The following TNFRSF11A variants were observed in gnomAD, a reference collection of about 807,000 sequenced individuals.
TNFRSF11A encodes TNF receptor superfamily member 11a, also known as tumor necrosis factor receptor superfamily member 11A.
TNFRSF11A carries 32 observed loss-of-function variants against 55.7 expected under a neutral mutation model. The observed-to-expected ratio is 0.57, with a 90% CI of 0.43 to 0.77. The LOEUF (loss-of-function observed/expected upper bound fraction) is 0.77. TNFRSF11A is among the 30% of genes least tolerant of loss of function. TNFRSF11A has a pLI of 0.00. For synonymous variants in TNFRSF11A, 311 were observed against 331.0 expected (o/e 0.94, Z 0.65); for missense variants, 753 against 809.8 (o/e 0.93, Z 0.85).
rs1415452822 is a variant in TNFRSF11A at position 62,325,627 on chromosome 18, T to G, written c.75+200T>G. Among the ~76,000 whole-genome samples, 3 of 152,016 alleles carry G rather than the reference T, an allele frequency of 2.0e-5. No homozygotes were observed. Among genetic ancestry groups the G allele is most frequent in the Admixed American group, 1.3e-4 (2 of 15,296 alleles). ...CGGGAAAGGGCAAGCGGAGGGAAACTGGGGCGCAGAAGGAGCAGGTTGGCG... is the reference window on the plus strand; with the variant it reads ...CGGGAAAGGGCAAGCGGAGGGAAACGGGGGCGCAGAAGGAGCAGGTTGGCG... On this transcript the variant is annotated intron_variant, in intron 1 of 9. Coordinates refer to ENST00000586569, the MANE Select transcript of TNFRSF11A (RefSeq NM_003839.4). The surrounding 1 kb of genome is among the most constrained non-coding windows in gnomAD (Gnocchi z 4.7).
In TNFRSF11A at chr18:62,384,904, C is replaced by T. The variant is rs747875327; in HGVS notation, c.1721C>T (p.Thr574Ile). Reference sequence around the variant, plus strand: ...ATGGGCCGCCCGGTGCAGGAGGAGACCCTGGCGCGCCGAGACTCCTTCGCG... The same window carrying T: ...ATGGGCCGCCCGGTGCAGGAGGAGATCCTGGCGCGCCGAGACTCCTTCGCG... ...EPMGRPVQEE[T>I]LARRDSFAGN... The change falls in exon 10 of 10, where the codon ACC (threonine) becomes ATC (isoleucine). Residue 574 changes from threonine to isoleucine, a missense_variant. This residue lies in a region of TNFRSF11A where 567 missense variants were observed against 596.7 expected (regional missense o/e 0.95). Coordinates refer to ENST00000586569, the MANE Select transcript of TNFRSF11A (RefSeq NM_003839.4). 2.5e-5 allele frequency: 39 copies of T among 1,571,802 alleles called. No homozygotes were observed. Among genetic ancestry groups the T allele is most frequent in the Non-Finnish European group, 3.3e-5 (38 of 1,159,540 alleles).
chr18:62,336,887 G>A (rs1488282396), intron 1 of TNFRSF11A: 1 of 152,234 alleles, frequency 6.6e-6, no homozygotes, highest in Non-Finnish European at 1.5e-5. Context: ...TCAAGGAGCA[G>A]AGATAATAAA....
chr18:62,368,533 C>T (rs548117602), intron 8 of TNFRSF11A, among the ~76,000 whole-genome samples, 168 bp from the exon 9 acceptor site: 2 of 152,336 alleles, frequency 1.3e-5, no homozygotes, highest in East Asian at 3.9e-4. Context: ...CTAGAGTTCT[C>T]CTGCACTCGG....
In TNFRSF11A at chr18:62,385,008, C is replaced by G. The variant is rs1460554186; in HGVS notation, c.1825C>G (p.Gln609Glu). 6.7e-7 allele frequency: 1 copy of G among 1,482,726 alleles called. No homozygotes were observed. The highest frequency in any genetic ancestry group is 8.9e-7 in the Non-Finnish European group (1 of 1,126,060). 91.8% of individuals were successfully genotyped at this position (1,482,726 alleles called of 1,614,324 possible). Residue 609 changes from glutamine to glutamate, a missense_variant, in exon 10 of 10, where the codon CAG (glutamine) becomes GAG (glutamate). Gln to Glu is a conservative substitution (Grantham distance 29). Around this residue, in one of 3 missense-constraint regions of TNFRSF11A, gnomAD observed 567 missense variants for 596.7 expected, o/e 0.95. Coordinates refer to ENST00000586569, the MANE Select transcript of TNFRSF11A (RefSeq NM_003839.4). ...GCCGGAGAAGGCCTCGAGGCCGGTG[C>G]AGGAGCAAGGCGGGGCCAAGGCTTG... ...REPEKASRPV[Q>E]EQGGAKA
chr18:62,340,658 AT>A (rs2046298751), intron 1 of TNFRSF11A, among the ~76,000 whole-genome samples: 1 of 152,136 alleles, frequency 6.6e-6, no homozygotes, highest in South Asian at 2.1e-4. Context: ...TGTAAAATAT[AT>A]TTCTTAGAAA....
At chr18:62,358,781 A>C (rs758118808) in intron 5 of TNFRSF11A, among the ~76,000 whole-genome samples, 1 of 152,090 alleles carries the variant, frequency 6.6e-6, no homozygotes, top group Admixed American at 6.6e-5. Flanking sequence ...TTCACATATT[A>C]TATCCTGAAG....
Position 62,385,222 on chromosome 18 carries a change from C to T in TNFRSF11A, c.*188C>T. On this transcript the variant is annotated 3_prime_UTR_variant, in exon 10 of 10. Transcript: ENST00000586569. ...GGAAGTGAATTGATGAGGACTGTCC[C>T]CATGCCCACGGATGCTCAGCAGCCC... The T allele has an allele frequency of 1.6e-6, 1 of 615,634 alleles. No individual in the cohort carries two copies. Among genetic ancestry groups the T allele is most frequent in the Non-Finnish European group, 2.5e-6 (1 of 402,880 alleles). 38.1% of individuals were successfully genotyped at this position (615,634 alleles called of 1,614,324 possible). A position where few individuals can be genotyped will look rare whatever the true frequency, so the allele number is the denominator to read the frequency against.
At chr18:62,377,684 A>G (rs1863595048) in intron 9 of TNFRSF11A, among the ~76,000 whole-genome samples, 1 of 151,936 alleles carries the variant, frequency 6.6e-6, no homozygotes, top group Non-Finnish European at 1.5e-5. Context: ...TGCCATCTGG[A>G]TATCTTTGGT....
At chr18:62,384,660 C>T (rs1911556597) in intron 9 of TNFRSF11A, 91 bp from the exon 10 acceptor site, 4 of 1,479,872 alleles carry the variant, frequency 2.7e-6, no homozygotes, top group Admixed American at 3.9e-5. Flanking sequence ...TCCGGGGAGC[C>T]GCCCTCCACT....
intron 9 of TNFRSF11A, among the ~76,000 whole-genome samples, chr18:62,377,495 C>G (rs1477038373): frequency 6.6e-6 from 1 of 152,222 alleles, no homozygotes; most frequent in Non-Finnish European, 1.5e-5. Flanking sequence ...TACCCTTTTG[C>G]ATTCCCACTA....
rs2145280243 is a variant in TNFRSF11A, at chr18:62,345,543, T to C, written c.76-2625T>C. Among the ~76,000 whole-genome samples, 2 of 152,288 alleles carry C rather than the reference T, an allele frequency of 1.3e-5. 1 individual carries two copies. Among genetic ancestry groups the C allele is most frequent in the African/African-American group, 4.8e-5 (2 of 41,544 alleles). ...CATAGCAATTTTCCCAGCAGCAAAA[T>C]TTCTGCTGCTGCTTAAAAGATCTGT... On this transcript the variant is annotated intron_variant, in intron 1 of 9. Coordinates refer to ENST00000586569, the MANE Select transcript of TNFRSF11A (RefSeq NM_003839.4).
At chr18:62,355,846 G>C (rs1278437791) in intron 4 of TNFRSF11A, among the ~76,000 whole-genome samples, 1 of 152,172 alleles carries the variant, frequency 6.6e-6, no homozygotes, top group Non-Finnish European at 1.5e-5. Context: ...TTGTTTTTAT[G>C]TATGTAAGTG....
At chr18:62,337,110 A>G (rs945631839) in intron 1 of TNFRSF11A, among the ~76,000 whole-genome samples, 18 of 152,014 alleles carry the variant, frequency 1.2e-4, no homozygotes, top group African/African-American at 4.4e-4. Flanking sequence ...AATGGTGAAT[A>G]TGTCAGGACT....
chr18:62,342,192 G>A (rs775863452), intron 1 of TNFRSF11A, among the ~76,000 whole-genome samples: 58 of 151,862 alleles, frequency 3.8e-4, no homozygotes, highest in Non-Finnish European at 7.8e-4. Context: ...CTTGAGCTCA[G>A]GGGTTCAAGA....
At chr18:62,351,465 A>G (rs1332942355) in intron 3 of TNFRSF11A, among the ~76,000 whole-genome samples, 2 of 152,238 alleles carry the variant, frequency 1.3e-5, no homozygotes, top group Non-Finnish European at 2.9e-5. Flanking sequence ...ATAGCTGAGC[A>G]TTCCTCTTTC....
intron 1 of TNFRSF11A, among the ~76,000 whole-genome samples, chr18:62,344,490 T>A (rs2046354854): frequency 6.6e-6 from 1 of 152,234 alleles, no homozygotes. Flanking sequence ...ATGCCCAAAT[T>A]TCCCCATTCC....
chr18:62,385,174 C>A lies in TNFRSF11A; in HGVS notation c.*140C>A. On this transcript the variant is annotated 3_prime_UTR_variant, in exon 10 of 10. Coordinates refer to ENST00000586569, the MANE Select transcript of TNFRSF11A (RefSeq NM_003839.4). Reference sequence around the variant, plus strand: ...CACCCGGCATTCTCTGCCCACTTTGCCTTCCAGGAAATGGGCTTTTCAGGA... The same window carrying A: ...CACCCGGCATTCTCTGCCCACTTTGACTTCCAGGAAATGGGCTTTTCAGGA... The A allele has an allele frequency of 9.7e-7, 1 of 1,035,948 alleles. No individual in the cohort carries two copies. Among genetic ancestry groups the A allele is most frequent in the Non-Finnish European group, 1.3e-6 (1 of 778,466 alleles). 64.2% of individuals were successfully genotyped at this position (1,035,948 alleles called of 1,614,324 possible).
chr18:62,380,022 C>T (rs936837481), intron 9 of TNFRSF11A, among the ~76,000 whole-genome samples: 8 of 152,310 alleles, frequency 5.3e-5, no homozygotes, highest in Middle Eastern at 3.4e-3. Context: ...GAGTTGCCCG[C>T]GCCTTCAGGA....
chr18:62,342,222 G>A (rs113617799), intron 1 of TNFRSF11A, among the ~76,000 whole-genome samples: 21,665 of 151,016 alleles, frequency 0.14, 1,862 homozygotes, highest in Non-Finnish European at 0.19. Context: ...GCAACATGGT[G>A]AAACCCCGTG....
Sources: allele counts gnomAD v4.1 joint callset (sites outside exome capture counted in the v4.1 genomes callset), GRCh38; gene constraint gnomAD v4.1.1; regional missense constraint gnomAD v4.1.1; non-coding constraint Gnocchi (gnomAD v3.1); transcripts MANE v1.5; gene names NCBI Gene and HGNC (gene_info 2026-07-23, HGNC 2026-07-21).